The following ENAH variants were observed in gnomAD, a reference collection of about 807,000 sequenced individuals.
ENAH encodes the protein protein enabled homolog.
ENAH carries 23 observed loss-of-function variants against 78.7 expected under a neutral mutation model. That is an observed-to-expected ratio of 0.29 (90% CI 0.21 to 0.41). ENAH has a LOEUF of 0.41. ENAH is among the 10% of genes least tolerant of loss of function. The pLI is 1.00. For synonymous variants in ENAH, 226 were observed against 241.0 expected (o/e 0.94, Z 0.58); for missense variants, 544 against 691.0 (o/e 0.79, Z 2.39).
At chr1:225,591,028 G>A (rs1251343147) in intron 1 of ENAH, among the ~76,000 whole-genome samples, 1 of 152,138 alleles carries the variant, frequency 6.6e-6, no homozygotes, top group Non-Finnish European at 1.5e-5. Context: ...AACTATTAAA[G>A]ACAGCTTATT....
At chr1:225,525,378 G>T (rs1265214583) in intron 4 of ENAH, among the ~76,000 whole-genome samples, 3 of 152,134 alleles carry the variant, frequency 2.0e-5, no homozygotes, top group Admixed American at 1.3e-4. Context: ...CTAAAAAGTA[G>T]TACTTTTAAA....
chr1:225,582,200 T>C (rs1175761349), intron 1 of ENAH, among the ~76,000 whole-genome samples: 3 of 152,048 alleles, frequency 2.0e-5, no homozygotes, highest in Non-Finnish European at 4.4e-5. Flanking sequence ...CCACAGGAAG[T>C]GCCAGCTCCC....
intron 1 of ENAH, among the ~76,000 whole-genome samples, chr1:225,574,479 G>A (rs1245261359): frequency 6.6e-6 from 1 of 152,078 alleles, no homozygotes; most frequent in African/African-American, 2.4e-5. Flanking sequence ...CCTCGTGCCT[G>A]TAGTCCCAGC....
chr1:225,498,253 TA>T, intron 13 of ENAH, 93 bp downstream of exon 13: 1 of 1,020,942 alleles, frequency 9.8e-7, no homozygotes, highest in Non-Finnish European at 1.5e-6. Context: ...TGCCCTCAAC[TA>T]ATCAGCTGGG....
rs2096266411 is a variant in ENAH, at chr1:225,499,047, C to G, written c.1618-643G>C. ...CTGAAATGAGATGTGCTGTGAAGTG[C>G]AAAACACACACCAGATTCCAAAGAT... On this transcript the variant is annotated intron_variant, in intron 12 of 13. Transcript: ENST00000366843. Among the ~76,000 whole-genome samples, 3 of 151,972 alleles carry G rather than the reference C, an allele frequency of 2.0e-5. No individual in the cohort carries two copies. In the South Asian group the frequency reaches 6.3e-4, roughly 32 times the overall value.
intron 1 of ENAH, among the ~76,000 whole-genome samples, chr1:225,602,621 TTA>T (rs201607479): frequency 1.3e-5 from 2 of 151,594 alleles, no homozygotes; most frequent in African/African-American, 4.8e-5. Context: ...TTAGCAAAGG[TTA>T]TATATATATA....
intron 1 of ENAH, among the ~76,000 whole-genome samples, chr1:225,598,662 A>G (rs1178339876): frequency 2.6e-5 from 4 of 152,100 alleles, no homozygotes; most frequent in Non-Finnish European, 5.9e-5. Context: ...CATCTATTGG[A>G]AAACAGGACA....
chr1:225,503,703 T>TATA (rs917883851), intron 11 of ENAH, among the ~76,000 whole-genome samples: 2 of 132,006 alleles, frequency 1.5e-5, no homozygotes. Flanking sequence ...ACTACTGGAA[T>TATA]ATAAACATTT....
chr1:225,646,357 G>A (rs1188268732), intron 1 of ENAH, among the ~76,000 whole-genome samples: 1 of 152,074 alleles, frequency 6.6e-6, no homozygotes, highest in Non-Finnish European at 1.5e-5. Context: ...AAATGAGGAG[G>A]AGAGAGAAAT....
intron 1 of ENAH, among the ~76,000 whole-genome samples, chr1:225,578,339 A>G (rs548628174): frequency 6.6e-6 from 1 of 152,240 alleles, no homozygotes; most frequent in South Asian, 2.1e-4. Flanking sequence ...GCCAGGCACA[A>G]TGGTGTGCAC....
At chr1:225,605,827 GAGA>G (rs1189913599) in intron 1 of ENAH, among the ~76,000 whole-genome samples, 6 of 152,268 alleles carry the variant, frequency 3.9e-5, no homozygotes, top group Non-Finnish European at 5.9e-5. Context: ...ACTGTGGACA[GAGA>G]AGGAGAGCCA....
chr1:225,633,209 ATT>A (rs75430674), intron 1 of ENAH, among the ~76,000 whole-genome samples: 2 of 142,404 alleles, frequency 1.4e-5, no homozygotes, highest in Admixed American at 7.1e-5. Flanking sequence ...CACCTGGCTA[ATT>A]TTTTTTTTTT....
At chr1:225,631,708 C>T (rs1163508305) in intron 1 of ENAH, among the ~76,000 whole-genome samples, 1 of 152,154 alleles carries the variant, frequency 6.6e-6, no homozygotes, top group Non-Finnish European at 1.5e-5. Context: ...TGCCTTCACT[C>T]TCAAAGTTTC....
chr1:225,642,923 T>C (rs1661340923), intron 1 of ENAH, among the ~76,000 whole-genome samples: 1 of 152,190 alleles, frequency 6.6e-6, no homozygotes, highest in Non-Finnish European at 1.5e-5. Flanking sequence ...TTGGCAAAGA[T>C]TAAAAGACCG....
At chr1:225,588,066 G>C (rs1183049551) in intron 1 of ENAH, among the ~76,000 whole-genome samples, 1 of 152,096 alleles carries the variant, frequency 6.6e-6, no homozygotes, top group African/African-American at 2.4e-5. Context: ...GAAGGCAAAA[G>C]CTCTTCTCAA....
chr1:225,588,720 G>A (rs553730207), intron 1 of ENAH, among the ~76,000 whole-genome samples: 9 of 149,390 alleles, frequency 6.0e-5, no homozygotes, highest in East Asian at 2.0e-4. Flanking sequence ...AGGCAGAATC[G>A]CCTGAACATG....
chr1:225,518,116 G>T, intron 5 of ENAH: 1 of 752,564 alleles, frequency 1.3e-6, no homozygotes, highest in Non-Finnish European at 2.1e-6. Flanking sequence ...GTTAGTATCA[G>T]AGAATTAGGC....
At chr1:225,596,097 C>T (rs1379525547) in intron 1 of ENAH, among the ~76,000 whole-genome samples, 1 of 152,124 alleles carries the variant, frequency 6.6e-6, no homozygotes, top group African/African-American at 2.4e-5. Flanking sequence ...TCTTCTGAAG[C>T]TGGCTTATTT....
chr1:225,641,371 G>T (rs1287110894), intron 1 of ENAH, among the ~76,000 whole-genome samples: 1 of 149,426 alleles, frequency 6.7e-6, no homozygotes. Context: ...CAAGCACTGT[G>T]GTTCAGTAAT....
Sources: allele counts gnomAD v4.1 joint callset (sites outside exome capture counted in the v4.1 genomes callset), GRCh38; gene constraint gnomAD v4.1.1; transcripts MANE v1.5; gene names NCBI Gene and HGNC (gene_info 2026-07-23, HGNC 2026-07-21).